GULP1: variants seen among roughly 807,000 people sequenced by gnomAD.
GULP1 encodes the protein PTB domain-containing engulfment adapter protein 1.
In GULP1, 19 loss-of-function variants were observed where a neutral mutation model predicts 40.9. The ratio of observed to expected loss-of-function variants is 0.46; its 90% CI spans 0.32 to 0.68. The LOEUF (loss-of-function observed/expected upper bound fraction) is 0.68, where lower values mean the gene tolerates loss of function less well. Ranked by LOEUF, GULP1 falls within the 30% of genes least tolerant of loss-of-function variation. The pLI, the probability that GULP1 is intolerant of heterozygous loss-of-function variation, is 0.03. For missense variants in GULP1, 312 were observed against 362.2 expected, an observed-to-expected ratio of 0.86 and a Z score of 1.12; for synonymous variants, 119 against 117.6, an observed-to-expected ratio of 1.01 and a Z score of -0.08.
chr2:188,560,325 A>C (rs72896867), intron 7 of GULP1, among the ~76,000 whole-genome samples: 19,254 of 152,302 alleles, frequency 0.13, 1,549 homozygotes, highest in Non-Finnish European at 0.19. Flanking sequence ...TTGCTAAGGC[A>C]TAATAAAAGT....
chr2:188,318,140 G>A (rs183065186), intron 1 of GULP1, among the ~76,000 whole-genome samples: 1 of 152,134 alleles, frequency 6.6e-6, no homozygotes, highest in Non-Finnish European at 1.5e-5. Flanking sequence ...AATCAGTCAT[G>A]ATCTAGAAAG....
At chr2:188,310,993 G>A (rs1314142116) in intron 1 of GULP1, among the ~76,000 whole-genome samples, 1 of 152,182 alleles carries the variant, frequency 6.6e-6, no homozygotes, top group Non-Finnish European at 1.5e-5. Context: ...GGTCAGCTTA[G>A]CTGGCCAGGG....
chr2:188,429,646 T>A (rs1175830082), intron 2 of GULP1, among the ~76,000 whole-genome samples: 1 of 152,176 alleles, frequency 6.6e-6, no homozygotes, highest in East Asian at 1.9e-4. Flanking sequence ...CTGGAGAGAA[T>A]TTTTTAAATG....
chr2:188,482,490 C>T (rs371409268), intron 3 of GULP1, among the ~76,000 whole-genome samples: 15 of 151,530 alleles, frequency 9.9e-5, no homozygotes, highest in Non-Finnish European at 1.5e-5. Flanking sequence ...AAATAAGATA[C>T]GTACAAAACT....
intron 4 of GULP1, among the ~76,000 whole-genome samples, chr2:188,485,183 G>A (rs1281692503): frequency 1.3e-5 from 2 of 152,004 alleles, no homozygotes; most frequent in Non-Finnish European, 2.9e-5. Flanking sequence ...TTGAAAAACA[G>A]CTTTATAAAA....
rs150291856 is a variant in GULP1 at position 188,465,846 on chromosome 2, G to A, written c.-44-11813G>A. Among the ~76,000 whole-genome samples the A allele has an allele frequency of 2.6e-3, 403 of 152,164 alleles. 3 individuals are homozygous for A. The highest frequency in any genetic ancestry group is 9.0e-3 in the African/African-American group (373 of 41,510). ...AGGGTTGCCTCTACTGAGGGATGGC[G>A]GAGGGGTGGGGTCTGAGATTCAAGA... is the stretch of plus-strand genomic sequence containing the variant. On this transcript the variant is annotated intron_variant, in intron 2 of 11. Transcript: ENST00000409830.
At chr2:188,459,813 T>C (rs1289650811) in intron 2 of GULP1, among the ~76,000 whole-genome samples, 3 of 152,336 alleles carry the variant, frequency 2.0e-5, no homozygotes, top group African/African-American at 7.2e-5. Flanking sequence ...ATTGATTTGA[T>C]GTTTGTATAT....
Position 188,538,723 on chromosome 2 carries a change from TGAGA to T in GULP1, c.262-2449_262-2446del, listed in dbSNP as rs1048880811. Among the ~76,000 whole-genome samples the T allele has an allele frequency of 6.5e-4, 96 of 147,404 alleles. 2 individuals are homozygous for T. Among genetic ancestry groups the T allele is most frequent in the East Asian group, 4.3e-3 (22 of 5,060 alleles). On this transcript the variant is annotated intron_variant, in intron 6 of 11. Coordinates refer to ENST00000409830, the MANE Select transcript of GULP1 (RefSeq NM_016315.4). Reference sequence around the variant, plus strand: ...TGTGTGTGTGTGTGTGTGTGTGTAGTGAGAGAGAGAGACAGTTCTCAGTTCTTGG... The same window carrying T: ...TGTGTGTGTGTGTGTGTGTGTGTAGTGAGAGAGACAGTTCTCAGTTCTTGG...
intron 2 of GULP1, among the ~76,000 whole-genome samples, chr2:188,475,165 A>G (rs2060908011): frequency 6.6e-6 from 1 of 152,132 alleles, no homozygotes; most frequent in Non-Finnish European, 1.5e-5. Context: ...TTTTACAAAA[A>G]AAGTGTAGAG....
At chr2:188,311,656 A>C (rs1225610896) in intron 1 of GULP1, among the ~76,000 whole-genome samples, 1 of 151,084 alleles carries the variant, frequency 6.6e-6, no homozygotes, top group Non-Finnish European at 1.5e-5. Flanking sequence ...ACTGAAATTT[A>C]CTATGAAGTT....
chr2:188,500,229 A>G (rs1482172638), intron 4 of GULP1, among the ~76,000 whole-genome samples: 1 of 151,934 alleles, frequency 6.6e-6, no homozygotes, highest in Non-Finnish European at 1.5e-5. Flanking sequence ...AATGAGCCTG[A>G]AAACCTGCAT....
rs1186305883 is a variant in GULP1, at chr2:188,595,914, G to C, written c.*1903G>C. 1 of 152,168 alleles carries C rather than the reference G, an allele frequency of 6.6e-6. No individual in the cohort carries two copies. The highest frequency in any genetic ancestry group is 1.5e-5 in the Non-Finnish European group (1 of 67,770). 9.4% of individuals were successfully genotyped at this position (152,168 alleles called of 1,614,324 possible). ...ATGTTTGGTTTTCCTGAAAATAAATGATTTTAAATAAATTAAATTGCATAA... is the reference window on the plus strand; with the variant it reads ...ATGTTTGGTTTTCCTGAAAATAAATCATTTTAAATAAATTAAATTGCATAA... On this transcript the variant is annotated 3_prime_UTR_variant, in exon 12 of 12. Transcript: ENST00000409830.
intron 4 of GULP1, among the ~76,000 whole-genome samples, chr2:188,520,518 G>C (rs2065639336): frequency 7.1e-6 from 1 of 140,110 alleles, no homozygotes; most frequent in Non-Finnish European, 1.5e-5. Context: ...AACACAGCGA[G>C]ACTCCATCTA....
intron 2 of GULP1, among the ~76,000 whole-genome samples, chr2:188,385,502 A>G (rs1317704368): frequency 6.6e-6 from 1 of 152,148 alleles, no homozygotes; most frequent in Non-Finnish European, 1.5e-5. Context: ...CATTATCTTG[A>G]TGATTAACAT....
intron 1 of GULP1, among the ~76,000 whole-genome samples, chr2:188,366,521 T>C (rs1395447488): frequency 3.4e-5 from 5 of 148,594 alleles, no homozygotes; most frequent in South Asian, 2.1e-4. Flanking sequence ...TTCATTTGCA[T>C]GTCTGTCTAT....
chr2:188,321,423 G>A (rs12988577), intron 1 of GULP1, among the ~76,000 whole-genome samples: 47,585 of 151,932 alleles, frequency 0.31, 8,704 homozygotes, highest in Non-Finnish European at 0.4. Flanking sequence ...CTAATACTGA[G>A]TCTAATACAA....
chr2:188,513,972 T>G (rs74548443), intron 4 of GULP1, among the ~76,000 whole-genome samples: 5,909 of 151,720 alleles, frequency 0.039, 264 homozygotes, highest in African/African-American at 0.1. Context: ...CTCTGAGTAC[T>G]CCTGTTTCCT....
intron 1 of GULP1, among the ~76,000 whole-genome samples, chr2:188,310,989 C>T (rs1008151378): frequency 6.6e-6 from 1 of 152,164 alleles, no homozygotes; most frequent in Non-Finnish European, 1.5e-5. Context: ...AAATGGTCAG[C>T]TTAGCTGGCC....
intron 2 of GULP1, among the ~76,000 whole-genome samples, chr2:188,417,969 TTTTTG>T (rs1021222032): frequency 6.6e-6 from 1 of 151,914 alleles, no homozygotes; most frequent in Non-Finnish European, 1.5e-5. Context: ...TTTTTTTGTT[TTTTTG>T]TTTTGTTTTG....
Sources: allele counts gnomAD v4.1 joint callset (sites outside exome capture counted in the v4.1 genomes callset), GRCh38; gene constraint gnomAD v4.1.1; transcripts MANE v1.5; gene names NCBI Gene and HGNC (gene_info 2026-07-23, HGNC 2026-07-21).